Variants in MDM4 observed in about 807,000 individuals in gnomAD.
MDM4 encodes the protein MDM4 regulator of p53, also known as protein Mdm4.
Under a neutral mutation model 60.2 loss-of-function variants are expected in MDM4, and 2 were observed. The observed-to-expected ratio is 0.03, with a 90% confidence interval of 0.01 to 0.10. The LOEUF (loss-of-function observed/expected upper bound fraction) is 0.10, where lower values mean the gene tolerates loss of function less well. Among genes scored for constraint, MDM4 ranks in the 10% least tolerant of loss-of-function variants. MDM4 has a pLI of 1.00. For synonymous variants in MDM4, 202 were observed against 198.1 expected (o/e 1.02, Z -0.17); for missense variants, 447 against 577.5 (o/e 0.77, Z 2.32).
chr1:204,552,511 T>TG lies in MDM4; in HGVS notation c.*2834dup, dbSNP rs1192041102. The stretch of plus-strand genomic sequence containing the variant: ...CTAATTTTTGTATTTTTAGTAGAGA[T>TG]GGGGGTTTCACTGTGTTGGCCAGGC... On this transcript the variant is annotated 3_prime_UTR_variant, in exon 11 of 11. Coordinates refer to ENST00000367182, the MANE Select transcript of MDM4 (RefSeq NM_002393.5). 8 of 156,860 alleles carry TG rather than the reference T, an allele frequency of 5.1e-5. No individual in the cohort carries two copies. The highest frequency in any genetic ancestry group is 2.0e-4 in the Admixed American group (3 of 15,336). 9.7% of individuals were successfully genotyped at this position (156,860 alleles called of 1,614,324 possible).
At chr1:204,544,912 T>G (rs1662498726) in intron 9 of MDM4, among the ~76,000 whole-genome samples, 1 of 152,102 alleles carries the variant, frequency 6.6e-6, no homozygotes, top group Non-Finnish European at 1.5e-5. Context: ...TTCCCCTGAT[T>G]ATAGCAACAA....
At chr1:204,539,482 TAGAATAA>T (rs1198437650) in intron 7 of MDM4, among the ~76,000 whole-genome samples, 1 of 152,040 alleles carries the variant, frequency 6.6e-6, no homozygotes, top group Non-Finnish European at 1.5e-5. Flanking sequence ...CAAAGGATCT[TAGAATAA>T]GTTGAGCATC....
At position 204,556,108 on chromosome 1, in the gene MDM4, CCCTT is replaced by C. The variant is rs1311490926; in HGVS notation, c.*6429_*6432del. The C allele has an allele frequency of 4.5e-6, 1 of 221,194 alleles. No individual in the cohort carries two copies. Among genetic ancestry groups the C allele is most frequent in the Non-Finnish European group, 9.0e-6 (1 of 110,672 alleles). The allele number at this position is 221,194 out of a possible 1,614,324, so 13.7% of individuals were successfully genotyped here. On this transcript the variant is annotated 3_prime_UTR_variant, in exon 11 of 11. Coordinates refer to ENST00000367182, the MANE Select transcript of MDM4 (RefSeq NM_002393.5). ...TCTGGTCTCCCTTAAGAAAAAAAAACCCTTCCACCTTTACTGTGTCATTTATATC... is the reference window on the plus strand; with the variant it reads ...TCTGGTCTCCCTTAAGAAAAAAAAACCCACCTTTACTGTGTCATTTATATC...
Position 204,555,150 on chromosome 1 carries a change from C to A in MDM4, c.*5468C>A. ...GGAGCACAGGACAGTTAGTAGAACTCTCCATTTCTTTTTTTTTTTTTTTAG... is the reference window on the plus strand; with the variant it reads ...GGAGCACAGGACAGTTAGTAGAACTATCCATTTCTTTTTTTTTTTTTTTAG... On this transcript the variant is annotated 3_prime_UTR_variant, in exon 11 of 11. Coordinates refer to ENST00000367182, the MANE Select transcript of MDM4 (RefSeq NM_002393.5). 5.2e-6 allele frequency: 1 copy of A among 190,948 alleles called. No individual in the cohort carries two copies. Among genetic ancestry groups the A allele is most frequent in the Non-Finnish European group, 1.1e-5 (1 of 91,348 alleles). The allele number at this position is 190,948 out of a possible 1,614,324, so 11.8% of individuals were successfully genotyped here. A position where few individuals can be genotyped will look rare whatever the true frequency, so the allele number is the denominator to read the frequency against.
chr1:204,529,609 G>C lies in MDM4; in HGVS notation c.154-1075G>C, dbSNP rs546771407. 73 of 1,255,288 alleles carry C rather than the reference G, an allele frequency of 5.8e-5. No homozygotes were observed. In the African/African-American group the frequency reaches 7.6e-4, roughly 13 times the overall value. The allele number at this position is 1,255,288 out of a possible 1,614,324, so 77.8% of individuals were successfully genotyped here. ...CCATACTGCCCTCCACTACTGGGGGGGGTCCAAGGTAGTAGCTACCCGGAG... is the reference window on the plus strand; with the variant it reads ...CCATACTGCCCTCCACTACTGGGGGCGGTCCAAGGTAGTAGCTACCCGGAG... On this transcript the variant is annotated intron_variant, in intron 3 of 10. Transcript: ENST00000367182.
At chr1:204,537,604 A>G in intron 6 of MDM4, 107 bp downstream of exon 6, 3 of 803,102 alleles carry the variant, frequency 3.7e-6, no homozygotes, top group East Asian at 2.4e-5. Context: ...TAAGAATTTA[A>G]TAAGAAAGGT....
At position 204,554,966 on chromosome 1, in the gene MDM4, C is replaced by T. The variant is rs1663439627; in HGVS notation, c.*5284C>T. The T allele has an allele frequency of 4.5e-6, 1 of 220,822 alleles. No homozygotes were observed. Among genetic ancestry groups the T allele is most frequent in the Non-Finnish European group, 9.1e-6 (1 of 110,348 alleles). 13.7% of individuals were successfully genotyped at this position (220,822 alleles called of 1,614,324 possible). On this transcript the variant is annotated 3_prime_UTR_variant, in exon 11 of 11. Transcript: ENST00000367182. Reference sequence around the variant, plus strand: ...ATCTACACTTGGATTTGCTGCACCTCTACCAATAGCCTTTTGAATGACTGA... The same window carrying T: ...ATCTACACTTGGATTTGCTGCACCTTTACCAATAGCCTTTTGAATGACTGA...
At chr1:204,536,444 C>T (rs955637288) in intron 5 of MDM4, among the ~76,000 whole-genome samples, 2 of 152,196 alleles carry the variant, frequency 1.3e-5, no homozygotes, top group Non-Finnish European at 2.9e-5. Context: ...ACCGCATTGA[C>T]AGATCAGTTG....
chr1:204,538,944 A>G (rs1408075446), intron 7 of MDM4, among the ~76,000 whole-genome samples: 2 of 143,900 alleles, frequency 1.4e-5, no homozygotes, highest in Non-Finnish European at 1.5e-5. Flanking sequence ...ATCTCAGCTC[A>G]CCGCAGCCTC....
intron 1 of MDM4, among the ~76,000 whole-genome samples, chr1:204,517,331 T>G (rs963419076): frequency 2.6e-5 from 4 of 152,174 alleles, no homozygotes; most frequent in Non-Finnish European, 2.9e-5. Flanking sequence ...TATATTTTAA[T>G]GAGCACACCT....
At chr1:204,543,082 A>G (rs1662289879) in intron 8 of MDM4, 138 bp downstream of exon 8, 5 of 693,130 alleles carry the variant, frequency 7.2e-6, no homozygotes, top group Admixed American at 3.0e-5. Context: ...TATGCATGTG[A>G]TACCCAAATC....
chr1:204,554,323 T>C lies in MDM4; in HGVS notation c.*4641T>C, dbSNP rs1412980169. 2 of 225,852 alleles carry C rather than the reference T, an allele frequency of 8.9e-6. No homozygotes were observed. Among genetic ancestry groups the C allele is most frequent in the Non-Finnish European group, 8.8e-6 (1 of 113,658 alleles). 14.0% of individuals were successfully genotyped at this position (225,852 alleles called of 1,614,324 possible). A position where few individuals can be genotyped will look rare whatever the true frequency, so the allele number is the denominator to read the frequency against. ...TACTGTGAATCTGTTTTCCATTTAG[T>C]CAGTTATCTGCTTAAATTGTTCAGA... On this transcript the variant is annotated 3_prime_UTR_variant, in exon 11 of 11. Transcript: ENST00000367182.
chr1:204,547,988 C>T (rs1030815872), intron 10 of MDM4, among the ~76,000 whole-genome samples: 1 of 152,226 alleles, frequency 6.6e-6, no homozygotes, highest in Non-Finnish European at 1.5e-5. Flanking sequence ...TCCCACAGTG[C>T]TGGGATTACA....
rs545983711 is a variant in MDM4, at chr1:204,557,681, C to T, written c.*7999C>T. 79 of 179,578 alleles carry T rather than the reference C, an allele frequency of 4.4e-4. 1 individual carries two copies. The highest frequency in any genetic ancestry group is 7.0e-4 in the Non-Finnish European group (59 of 83,802). 11.1% of individuals were successfully genotyped at this position (179,578 alleles called of 1,614,324 possible). On this transcript the variant is annotated 3_prime_UTR_variant, in exon 11 of 11. Transcript: ENST00000367182. ...CCTCCCAAAGTACTGGGATTACAGG[C>T]GTGAGCAACTGCTCCTGGCCCAAAA...
At chr1:204,517,729 G>A (rs1659136096) in intron 1 of MDM4, among the ~76,000 whole-genome samples, 1 of 148,568 alleles carries the variant, frequency 6.7e-6, no homozygotes, top group South Asian at 2.3e-4. Flanking sequence ...AGCAACACCC[G>A]GAGAAAATGC....
intron 1 of MDM4, among the ~76,000 whole-genome samples, chr1:204,520,996 GA>G (rs1304328715): frequency 1.3e-5 from 2 of 152,196 alleles, no homozygotes; most frequent in African/African-American, 4.8e-5. Flanking sequence ...GGTCTAATGG[GA>G]AAAAATGCTG....
chr1:204,538,070 G>A, intron 6 of MDM4, 139 bp from the exon 7 acceptor site: 1 of 767,992 alleles, frequency 1.3e-6, no homozygotes, highest in Non-Finnish European at 2.4e-6. Flanking sequence ...TTTATTTGAT[G>A]ACTGTTGTGA....
chr1:204,525,534 A>C lies in MDM4; in HGVS notation c.16A>C (p.Thr6Pro). The C allele has an allele frequency of 6.2e-7, 1 of 1,610,544 alleles. No individual in the cohort carries two copies. The highest frequency in any genetic ancestry group is 8.5e-7 in the Non-Finnish European group (1 of 1,179,078). MTSFS[T>P]SAQCSTSDSA... ...CACTACCAAAATGACATCATTTTCC[A>C]CCTCTGCTCAGTGTTCAACATCTGA... The change falls in exon 2 of 11, where the codon ACC becomes CCC. Residue 6 changes from threonine (T) to proline (P), a missense_variant. Physicochemically the swap from Thr to Pro is conservative, Grantham distance 38 (BLOSUM62 -1). Transcript: ENST00000367182.
intron 8 of MDM4, among the ~76,000 whole-genome samples, chr1:204,543,429 ATTC>A (rs1453851332): frequency 1.3e-5 from 2 of 152,162 alleles, no homozygotes; most frequent in African/African-American, 2.4e-5. Context: ...ACTTCCTGTC[ATTC>A]TTCTTTGTTC....
Sources: allele counts gnomAD v4.1 joint callset (sites outside exome capture counted in the v4.1 genomes callset), GRCh38; gene constraint gnomAD v4.1.1; transcripts MANE v1.5; gene names NCBI Gene and HGNC (gene_info 2026-07-23, HGNC 2026-07-21).